The following TMEM163 variants were observed in gnomAD, a reference collection of about 807,000 sequenced individuals.
The protein encoded by TMEM163 is transmembrane protein 163.
A neutral mutation model predicts 29.3 loss-of-function variants in TMEM163; 17 were observed. The ratio of observed to expected loss-of-function variants is 0.58; its 90% CI spans 0.40 to 0.87. The LOEUF (loss-of-function observed/expected upper bound fraction) is 0.87, where lower values mean the gene tolerates loss of function less well. Ranked by LOEUF, TMEM163 falls within the 40% of genes least tolerant of loss-of-function variation. The pLI is 0.00. For synonymous variants in TMEM163, 157 were observed against 160.6 expected, an observed-to-expected ratio of 0.98 and a Z score of 0.17; for missense variants, 303 against 381.5, an observed-to-expected ratio of 0.79 and a Z score of 1.71.
chr2:134,646,070 A>C (rs1463063393), intron 2 of TMEM163, among the ~76,000 whole-genome samples: 2 of 151,704 alleles, frequency 1.3e-5, no homozygotes, highest in Non-Finnish European at 2.9e-5. Flanking sequence ...ACATAGTCTC[A>C]ATGTGTAACT....
intron 2 of TMEM163, among the ~76,000 whole-genome samples, chr2:134,554,350 C>T (rs1016709500): frequency 2.8e-5 from 4 of 145,408 alleles, no homozygotes; most frequent in Admixed American, 7.1e-5. Flanking sequence ...CACTTGAACC[C>T]GGGAGGCAGA....
intron 2 of TMEM163, among the ~76,000 whole-genome samples, chr2:134,613,622 A>G (rs1682550249): frequency 6.6e-6 from 1 of 152,216 alleles, no homozygotes; most frequent in Non-Finnish European, 1.5e-5. Flanking sequence ...CTGACAGAAA[A>G]AAAACAAAAA....
chr2:134,565,948 G>T (rs752011007), intron 2 of TMEM163, among the ~76,000 whole-genome samples: 1 of 152,182 alleles, frequency 6.6e-6, no homozygotes, highest in African/African-American at 2.4e-5. Context: ...GGCAGGGAGC[G>T]GTGTCAAAGA....
intron 2 of TMEM163, among the ~76,000 whole-genome samples, chr2:134,636,267 G>C (rs923907789): frequency 6.6e-6 from 1 of 152,178 alleles, no homozygotes; most frequent in Admixed American, 6.5e-5. Context: ...CAAATCTAAA[G>C]GTGCTTTAAT....
intron 2 of TMEM163, among the ~76,000 whole-genome samples, chr2:134,630,684 C>A (rs938526660): frequency 6.6e-6 from 1 of 152,172 alleles, no homozygotes; most frequent in African/African-American, 2.4e-5. Context: ...GCCAGGTCCT[C>A]TCCCCTGGGC....
chr2:134,511,602 G>A (rs768962592), intron 4 of TMEM163, among the ~76,000 whole-genome samples: 11 of 152,244 alleles, frequency 7.2e-5, no homozygotes, highest in Admixed American at 2.6e-4. Flanking sequence ...AAGCGGCAGC[G>A]CAGGGAACAC....
intron 2 of TMEM163, among the ~76,000 whole-genome samples, chr2:134,613,791 T>C (rs556427149): frequency 2.0e-5 from 3 of 152,252 alleles, no homozygotes; most frequent in Non-Finnish European, 2.9e-5. Flanking sequence ...AAAACACTTA[T>C]GAGATCTATA....
chr2:134,456,723 A>G lies in TMEM163; in HGVS notation c.863T>C (p.Phe288Ser), dbSNP rs1348954360. 2.5e-6 allele frequency: 4 copies of G among 1,614,042 alleles called. No homozygotes were observed. The highest frequency in any genetic ancestry group is 3.4e-6 in the Non-Finnish European group (4 of 1,179,984). ...TGCGGATGCTGGCCCCCTTCACTCA[A>G]ACATCTCGTAGTGACGTGTCTGCCT... Reference protein sequence around the residue: ...RVRQTRHYEMFE With the variant: ...RVRQTRHYEMSE Residue 288 changes from phenylalanine to serine, a missense_variant, in exon 8 of 8, where the codon TTT becomes TCT. This residue lies in a region of TMEM163 where 203 missense variants were observed against 294.3 expected (regional missense o/e 0.69). Coordinates refer to ENST00000281924, the MANE Select transcript of TMEM163 (RefSeq NM_030923.5).
intron 2 of TMEM163, among the ~76,000 whole-genome samples, chr2:134,702,648 A>G (rs1684727331): frequency 6.6e-6 from 1 of 151,814 alleles, no homozygotes; most frequent in Non-Finnish European, 1.5e-5. Flanking sequence ...CTGTCTAAAA[A>G]TAAAAAATAA....
intron 2 of TMEM163, among the ~76,000 whole-genome samples, chr2:134,666,264 C>T (rs946435041): frequency 2.0e-5 from 3 of 151,850 alleles, no homozygotes; most frequent in Admixed American, 6.6e-5. Flanking sequence ...CCACCCTCCC[C>T]CAACCCCCAA....
chr2:134,551,051 T>C (rs1680908942), intron 3 of TMEM163, among the ~76,000 whole-genome samples: 1 of 152,226 alleles, frequency 6.6e-6, no homozygotes, highest in South Asian at 2.1e-4. Flanking sequence ...AACGGGACTA[T>C]TCTATCTGGG....
intron 2 of TMEM163, among the ~76,000 whole-genome samples, chr2:134,698,200 T>G (rs1684621410): frequency 6.6e-6 from 1 of 152,228 alleles, no homozygotes; most frequent in South Asian, 2.1e-4. Flanking sequence ...CAAACAGAAG[T>G]GTCTCTTGAC....
chr2:134,550,713 A>G, intron 3 of TMEM163, 52 bp from the exon 4 acceptor site: 2 of 1,542,446 alleles, frequency 1.3e-6, no homozygotes, highest in Non-Finnish European at 1.8e-6. Flanking sequence ...ATAGCACACA[A>G]ATGTGAAGAC....
chr2:134,468,124 T>TGCTACAATCTGAGTATGTGTC (rs1686709705), intron 5 of TMEM163: 3 of 152,190 alleles, frequency 2.0e-5, no homozygotes. Context: ...GTGAACATGA[T>TGCTACAATCTGAGTATGTGTC]GCTACAATCT....
In TMEM163 at chr2:134,636,659, G is replaced by A. The variant is rs1295233779; in HGVS notation, c.322+76541C>T. ...CTTGCCTAGGGACTAGACTGCCTTT[G>A]TAGCACTAACAAATTAGCCAGAAGA... is the stretch of plus-strand genomic sequence containing the variant. On this transcript the variant is annotated intron_variant, in intron 2 of 7. Coordinates refer to ENST00000281924, the MANE Select transcript of TMEM163 (RefSeq NM_030923.5). 2.6e-5 allele frequency among the ~76,000 whole-genome samples: 4 copies of A among 152,174 alleles called. 1 individual carries two copies. The highest frequency in any genetic ancestry group is 5.9e-5 in the Non-Finnish European group (4 of 68,028).
intron 4 of TMEM163, among the ~76,000 whole-genome samples, chr2:134,523,390 G>A (rs1193969448): frequency 6.6e-6 from 1 of 152,150 alleles, no homozygotes; most frequent in Non-Finnish European, 1.5e-5. Flanking sequence ...AAAGAGCTGA[G>A]GTGCGGTACT....
intron 2 of TMEM163, among the ~76,000 whole-genome samples, chr2:134,709,878 A>T (rs1380689395): frequency 3.9e-5 from 6 of 152,246 alleles, no homozygotes; most frequent in Non-Finnish European, 8.8e-5. Context: ...TGGAGGCTTC[A>T]TCTGCATGAT....
intron 2 of TMEM163, among the ~76,000 whole-genome samples, chr2:134,677,159 C>T (rs1684133171): frequency 6.6e-6 from 1 of 152,148 alleles, no homozygotes; most frequent in South Asian, 2.1e-4. Flanking sequence ...CTTCCGCAGA[C>T]CTCGTGGCTT....
chr2:134,523,789 T>A (rs746798628), intron 4 of TMEM163, among the ~76,000 whole-genome samples: 1 of 152,184 alleles, frequency 6.6e-6, no homozygotes. Flanking sequence ...GTAACACTAC[T>A]CCAGTGGTTC....
Sources: allele counts gnomAD v4.1 joint callset (sites outside exome capture counted in the v4.1 genomes callset), GRCh38; gene constraint gnomAD v4.1.1; regional missense constraint gnomAD v4.1.1; transcripts MANE v1.5; gene names NCBI Gene and HGNC (gene_info 2026-07-23, HGNC 2026-07-21).